MEP1A: variants seen among roughly 807,000 people sequenced by gnomAD.
The protein encoded by MEP1A is N-benzoyl-L-tyrosyl-P-amino-benzoic acid hydrolase subunit alpha.
A neutral mutation model predicts 84.5 loss-of-function variants in MEP1A; 68 were observed. That is an observed-to-expected ratio of 0.80 (90% CI 0.66 to 0.98). MEP1A has a LOEUF of 0.98. Ranked by LOEUF, MEP1A falls within the 50% of genes least tolerant of loss-of-function variation. The pLI is 0.00. For missense variants in MEP1A, 887 were observed against 919.9 expected, an observed-to-expected ratio of 0.96 and a Z score of 0.46; for synonymous variants, 337 against 336.8, an observed-to-expected ratio of 1.00 and a Z score of -0.01.
At chr6:46,804,790 A>T (rs936833782) in intron 5 of MEP1A, among the ~76,000 whole-genome samples, 5 of 151,812 alleles carry the variant, frequency 3.3e-5, no homozygotes, top group African/African-American at 1.2e-4. Flanking sequence ...GAGATGGAAC[A>T]CTGTTATCCT....
At chr6:46,830,452 A>G (rs1186047868) in intron 10 of MEP1A, among the ~76,000 whole-genome samples, 1 of 152,162 alleles carries the variant, frequency 6.6e-6, no homozygotes, top group Non-Finnish European at 1.5e-5. Context: ...TATTTATATA[A>G]GAAGGTCAGC....
downstream of MEP1A, among the ~76,000 whole-genome samples, chr6:46,841,714 G>A (rs971192580): frequency 6.6e-6 from 1 of 152,096 alleles, no homozygotes; most frequent in African/African-American, 2.4e-5. Flanking sequence ...CTTTCCTTCT[G>A]TGAACTGACC....
intron 3 of MEP1A, among the ~76,000 whole-genome samples, chr6:46,797,770 C>T (rs898415649): frequency 2.0e-5 from 3 of 149,916 alleles, no homozygotes; most frequent in Non-Finnish European, 4.4e-5. Flanking sequence ...GTCTTTCTTT[C>T]TTTTTCTTTC....
In MEP1A at chr6:46,808,837, G is replaced by A. The variant is rs148107000; in HGVS notation, c.263-583G>A. ...GCTGTCTAGTCTTGCCATCTCCCAGGCATCTGGCTGGGAAGCAGGGTAAAA... is the reference window on the plus strand; with the variant it reads ...GCTGTCTAGTCTTGCCATCTCCCAGACATCTGGCTGGGAAGCAGGGTAAAA... On this transcript the variant is annotated intron_variant, in intron 5 of 13. Transcript: ENST00000230588. Among the ~76,000 whole-genome samples the A allele has an allele frequency of 2.0e-5, 3 of 152,140 alleles. No individual in the cohort carries two copies. The East Asian group carries it at 5.8e-4, about 29-fold the overall frequency.
At chr6:46,825,153 ATATAT>A (rs1767908037) in intron 7 of MEP1A, 114 bp from the exon 8 acceptor site, 1 of 267,134 alleles carries the variant, frequency 3.7e-6, no homozygotes, top group African/African-American at 2.3e-5. Context: ...AATCTATTTA[ATATAT>A]ATATTTAAAT....
At chr6:46,824,732 TTATGTATTTAAATA>T (rs1443213643) in intron 7 of MEP1A, among the ~76,000 whole-genome samples, 4 of 99,362 alleles carry the variant, frequency 4.0e-5, no homozygotes, top group African/African-American at 1.7e-4. Context: ...TATATATAAA[TTATGTATTTAAATA>T]GATGTATTTA....
chr6:46,819,499 A>G (rs1767717038), intron 6 of MEP1A, 30 bp from the exon 7 acceptor site: 1 of 1,554,710 alleles, frequency 6.4e-7, no homozygotes, highest in African/African-American at 1.4e-5. Flanking sequence ...AATTCTCTAG[A>G]AGAAATTTTT....
intron 4 of MEP1A, 92 bp downstream of exon 4, chr6:46,798,738 A>G (rs890360327): frequency 1.5e-5 from 16 of 1,038,732 alleles, no homozygotes; most frequent in Non-Finnish European, 2.4e-5. Context: ...TGGGATGGGC[A>G]CTGTGAAGGA....
chr6:46,794,269 C>T (rs1767000596), intron 3 of MEP1A, among the ~76,000 whole-genome samples: 1 of 152,202 alleles, frequency 6.6e-6, no homozygotes, highest in Non-Finnish European at 1.5e-5. Flanking sequence ...TCTCTGTTGT[C>T]CTGCTTCTGA....
In MEP1A at chr6:46,797,871, T is replaced by TTTCCTTCC. The variant is rs1162981215; in HGVS notation, c.146-683_146-676dup. The stretch of plus-strand genomic sequence containing the variant: ...CTTTCTTTCTTTCTTACTTTCTACC[T>TTTCCTTCC]TTCCTTCCTTCCTTCCTTCCTTCCT... On this transcript the variant is annotated intron_variant, in intron 3 of 13. Coordinates refer to ENST00000230588, the MANE Select transcript of MEP1A (RefSeq NM_005588.3). Among the ~76,000 whole-genome samples, 239 of 106,984 alleles carry TTTCCTTCC rather than the reference T, an allele frequency of 2.2e-3. 1 individual carries two copies. Among genetic ancestry groups the TTTCCTTCC allele is most frequent in the Non-Finnish European group, 2.7e-3 (141 of 52,996 alleles). 70.2% of individuals were successfully genotyped at this position (106,984 alleles called of 152,430 possible). A position where few individuals can be genotyped will look rare whatever the true frequency, so the allele number is the denominator to read the frequency against.
At chr6:46,808,518 T>A (rs1189769909) in intron 5 of MEP1A, among the ~76,000 whole-genome samples, 4 of 152,142 alleles carry the variant, frequency 2.6e-5, no homozygotes, top group Non-Finnish European at 5.9e-5. Context: ...CTTGGCTTAA[T>A]TTTTAACTTA....
rs765683259 is a variant in MEP1A at position 46,807,709 on chromosome 6, CAAG to C, written c.263-1700_263-1698del. 2.7e-3 allele frequency among the ~76,000 whole-genome samples: 289 copies of C among 106,930 alleles called. 2 individuals carry two copies. Among genetic ancestry groups the C allele is most frequent in the Middle Eastern group, 8.1e-3 (1 of 124 alleles). The allele number at this position is 106,930 out of a possible 152,430, so 70.2% of individuals were successfully genotyped here. The stretch of plus-strand genomic sequence containing the variant: ...GAGGAGGAGGAGGAGAAGGAAAAAA[CAAG>C]AAGAAGAAGAGGAAAACAGAAGAAG... On this transcript the variant is annotated intron_variant, in intron 5 of 13. Transcript: ENST00000230588.
At chr6:46,832,024 G>A (rs572069131) in intron 10 of MEP1A, among the ~76,000 whole-genome samples, 19 of 152,074 alleles carry the variant, frequency 1.2e-4, no homozygotes, top group African/African-American at 4.6e-4. Flanking sequence ...CCTTGAAGTT[G>A]TACTTAGAGA....
Position 46,833,416 on chromosome 6 carries a change from T to A in MEP1A, c.1487T>A (p.Ile496Asn), listed in dbSNP as rs760701346. ...GTGTGCAGTGGGGAGAACGATGCTA[T>A]CCTGGAGTGGCCGGTAGAAAACAGA... ...FHVCSGENDA[I>N]LEWPVENRQV... Residue 496 changes from isoleucine to asparagine, a missense_variant, in exon 11 of 14, where the codon ATC becomes AAC. Physicochemically the swap from Ile to Asn is moderately radical, Grantham distance 149. Coordinates refer to ENST00000230588, the MANE Select transcript of MEP1A (RefSeq NM_005588.3). 101 of 1,614,068 alleles carry A rather than the reference T, an allele frequency of 6.3e-5. No individual in the cohort carries two copies. Among genetic ancestry groups the A allele is most frequent in the Non-Finnish European group, 8.0e-5 (94 of 1,180,032 alleles).
intron 11 of MEP1A, 29 bp from the exon 12 acceptor site, chr6:46,834,549 G>A (rs778222319): frequency 1.3e-6 from 2 of 1,532,894 alleles, no homozygotes; most frequent in Middle Eastern, 2.4e-4. Flanking sequence ...AAGAGGTAAT[G>A]TGATTTTATG....
At chr6:46,830,243 C>T (rs1180167639) in intron 10 of MEP1A, among the ~76,000 whole-genome samples, 1 of 62,006 alleles carries the variant, frequency 1.6e-5, no homozygotes, top group Admixed American at 2.9e-4. Flanking sequence ...AGCAAGACTC[C>T]ATCTAAAAAA....
At chr6:46,804,667 A>G (rs936831862) in intron 5 of MEP1A, among the ~76,000 whole-genome samples, 3 of 151,842 alleles carry the variant, frequency 2.0e-5, no homozygotes, top group South Asian at 4.1e-4. Context: ...TGAGTCTCAG[A>G]TGTACAATTC....
chr6:46,809,637 C>G, intron 6 of MEP1A, 100 bp downstream of exon 6: 1 of 727,224 alleles, frequency 1.4e-6, no homozygotes, highest in East Asian at 2.6e-5. Flanking sequence ...ATTCTTTTGT[C>G]TTTGCGTCCT....
Position 46,835,446 on chromosome 6 carries a change from C to A in MEP1A, c.1981C>A (p.Leu661Met). The change falls in exon 13 of 14, where the codon CTG becomes ATG. Residue 661 changes from leucine (L) to methionine (M), a missense_variant. Transcript: ENST00000230588. ...QKRSVENTGP[L>M]EDHNWPQYFR... Reference sequence around the variant, plus strand: ...GCGGTCGGTGGAGAACACAGGCCCCCTGGAGGACCATAACTGGCCACAGTA... The same window carrying A: ...GCGGTCGGTGGAGAACACAGGCCCCATGGAGGACCATAACTGGCCACAGTA... 6.2e-7 allele frequency: 1 copy of A among 1,612,504 alleles called. No individual in the cohort carries two copies. Among genetic ancestry groups the A allele is most frequent in the Non-Finnish European group, 8.5e-7 (1 of 1,179,344 alleles).
Sources: gnomAD v4.1 joint callset for allele counts (sites outside exome capture counted in the v4.1 genomes callset) on GRCh38, gnomAD v4.1.1 for gene constraint, MANE v1.5 for transcripts, NCBI Gene and HGNC (gene_info 2026-07-23, HGNC 2026-07-21) for gene names.